HBG1: variants seen among roughly 807,000 people sequenced by gnomAD.
HBG1 encodes hemoglobin subunit gamma 1.
A neutral mutation model predicts 5.9 loss-of-function variants in HBG1; 1 was observed. The ratio of observed to expected loss-of-function variants is 0.17; its 90% CI spans 0.06 to 0.81. The LOEUF (loss-of-function observed/expected upper bound fraction) is 0.81. Among genes scored for constraint, HBG1 ranks in the 30% least tolerant of loss-of-function variants. The pLI is 0.73. For missense variants in HBG1, 57 were observed against 122.0 expected (o/e 0.47, Z 2.51); for synonymous variants, 19 against 50.5 (o/e 0.38, Z 2.64).
intron 2 of HBG1, among the ~76,000 whole-genome samples, 197 bp from the exon 3 acceptor site, chr11:5,248,684 A>G (rs1259431527): frequency 8.0e-5 from 12 of 150,916 alleles, no homozygotes; most frequent in Admixed American, 2.6e-4. Flanking sequence ...CCATAATTTA[A>G]ATCTTGCTAT....
At chr11:5,248,520 C>T (rs781512469) in intron 2 of HBG1, 33 bp from the exon 3 acceptor site, 1 of 1,598,346 alleles carries the variant, frequency 6.3e-7, no homozygotes, top group East Asian at 2.2e-5. Flanking sequence ...TAAAGATGAA[C>T]CCATAGTGAG....
Position 5,248,396 on chromosome 11 carries a change from G to C in HBG1, c.407C>G (p.Thr136Ser). The C allele has an allele frequency of 6.2e-7, 1 of 1,614,152 alleles. No homozygotes were observed. The highest frequency in any genetic ancestry group is 2.2e-5 in the East Asian group (1 of 44,886). ...EVQASWQKMVTAVASALSSRY... is the reference protein window; with the variant it reads ...EVQASWQKMVSAVASALSSRY... The stretch of plus-strand genomic sequence containing the variant: ...GGAGGACAGGGCACTGGCCACTGCA[G>C]TCACCATCTTCTGCCAGGAAGCCTG... The change falls in exon 3 of 3, where the codon ACT (threonine) becomes AGT (serine). Residue 136 changes from threonine to serine, a missense_variant. Thr to Ser is a moderately conservative substitution (Grantham distance 58, BLOSUM62 1). Transcript: ENST00000330597.
rs761132513 is a variant in HBG1 at position 5,248,368 on chromosome 11, T to C, written c.435A>G (p.Arg145=). 2.5e-6 allele frequency: 4 copies of C among 1,614,138 alleles called. No individual in the cohort carries two copies. Among genetic ancestry groups the C allele is most frequent in the Non-Finnish European group, 3.4e-6 (4 of 1,179,978 alleles). The change falls in exon 3 of 3, where the codon AGA becomes AGG. Residue 145 remains arginine, a synonymous_variant. Transcript: ENST00000330597. ...VTAVASALSS[R]YH The stretch of plus-strand genomic sequence containing the variant: ...ATCATGGGCAGTGAGCTCAGTGGTA[T>C]CTGGAGGACAGGGCACTGGCCACTG...
chr11:5,248,791 C>G (rs1303688638), intron 2 of HBG1, among the ~76,000 whole-genome samples: 1 of 147,316 alleles, frequency 6.8e-6, no homozygotes, highest in Non-Finnish European at 1.5e-5. Flanking sequence ...CACACACACA[C>G]ACACACACAG....
intron 2 of HBG1, among the ~76,000 whole-genome samples, 183 bp from the exon 3 acceptor site, chr11:5,248,670 C>T (rs1189464083): frequency 6.6e-6 from 1 of 150,906 alleles, no homozygotes; most frequent in Non-Finnish European, 1.5e-5. Flanking sequence ...GCACTAGTCA[C>T]TGGCCATAAT....
In HBG1 at chr11:5,248,296, A is replaced by T; in HGVS notation, c.*63T>A. On this transcript the variant is annotated 3_prime_UTR_variant, in exon 3 of 3. Transcript: ENST00000330597. ...TGTGATCTCTCAGCAGAATAGATTT[A>T]TTATTTGTATTGCTTGCAGAATAAA... 6.3e-7 allele frequency: 1 copy of T among 1,590,762 alleles called. No individual in the cohort carries two copies. Among genetic ancestry groups the T allele is most frequent in the Non-Finnish European group, 8.6e-7 (1 of 1,161,788 alleles).
rs752967994 is a variant in HBG1, at chr11:5,248,776, G to A, written c.316-289C>T. On this transcript the variant is annotated intron_variant, in intron 2 of 2. Transcript: ENST00000330597. Reference sequence around the variant, plus strand: ...CGCTGACACACACACACACACGCGCGCGCGCACACACACACACACACACAG... The same window carrying A: ...CGCTGACACACACACACACACGCGCACGCGCACACACACACACACACACAG... 3.2e-4 allele frequency among the ~76,000 whole-genome samples: 27 copies of A among 84,406 alleles called. 1 individual carries two copies. The highest frequency in any genetic ancestry group is 4.6e-4 in the African/African-American group (12 of 26,094). The allele number at this position is 84,406 out of a possible 152,430, so 55.4% of individuals were successfully genotyped here.
In HBG1 at chr11:5,248,351, C is replaced by T. The variant is rs1487416724; in HGVS notation, c.*8G>A. ...ATCCTTGAAAGCTCTGAATCATGGG[C>T]AGTGAGCTCAGTGGTATCTGGAGGA... On this transcript the variant is annotated 3_prime_UTR_variant, in exon 3 of 3. Transcript: ENST00000330597. The T allele has an allele frequency of 1.2e-6, 2 of 1,613,642 alleles. No homozygotes were observed. Among genetic ancestry groups the T allele is most frequent in the Non-Finnish European group, 1.7e-6 (2 of 1,179,784 alleles).
At chr11:5,249,036 C>T (rs1847916184) in intron 2 of HBG1, among the ~76,000 whole-genome samples, 1 of 138,392 alleles carries the variant, frequency 7.2e-6, no homozygotes, top group Non-Finnish European at 1.6e-5. Context: ...AACGACCATA[C>T]TTGTCCTGCC....
intron 2 of HBG1, among the ~76,000 whole-genome samples, chr11:5,248,780 GCACA>G (rs1292097599): frequency 3.1e-4 from 35 of 112,990 alleles, no homozygotes; most frequent in Non-Finnish European, 4.9e-4. Context: ...ACGCGCGCGC[GCACA>G]CACACACACA....
Position 5,249,112 on chromosome 11 carries a change from A to C in HBG1, c.315+256T>G, listed in dbSNP as rs71480749. ...TGAAAGTTCTTTCTACTGGAATCTA[A>C]TAAAGAAAAGTCATTTTCCTCATTT... On this transcript the variant is annotated intron_variant, in intron 2 of 2. Coordinates refer to ENST00000330597, the MANE Select transcript of HBG1 (RefSeq NM_000559.3). Among the ~76,000 whole-genome samples, 5 of 67,802 alleles carry C rather than the reference A, an allele frequency of 7.4e-5. 1 individual carries two copies. The highest frequency in any genetic ancestry group is 3.9e-4 in the Admixed American group (2 of 5,126). 44.5% of individuals were successfully genotyped at this position (67,802 alleles called of 152,430 possible).
chr11:5,248,755 GACACACACACACACACGCGCGCGCGC>G (rs988647762), intron 2 of HBG1, among the ~76,000 whole-genome samples: 1 of 130,024 alleles, frequency 7.7e-6, no homozygotes, highest in African/African-American at 3.3e-5. Flanking sequence ...AACACACGCT[GACACACACACACACACGCGCGCGCGC>G]ACACACACAC....
intron 2 of HBG1, among the ~76,000 whole-genome samples, chr11:5,248,942 G>T (rs987462876): frequency 5.4e-5 from 8 of 148,202 alleles, no homozygotes; most frequent in African/African-American, 2.0e-4. Flanking sequence ...AGCTGATATA[G>T]GAATAGCCTT....
At chr11:5,248,745 AAC>A (rs1260824837) in intron 2 of HBG1, among the ~76,000 whole-genome samples, 1 of 140,958 alleles carries the variant, frequency 7.1e-6, no homozygotes, top group African/African-American at 2.8e-5. Flanking sequence ...CGTTAAAAGA[AAC>A]ACACGCTGAC....
In HBG1 at chr11:5,248,394, C is replaced by A. The variant is rs63749797; in HGVS notation, c.409G>T (p.Ala137Ser). Residue 137 changes from alanine (A) to serine (S), a missense_variant, in exon 3 of 3, where the codon GCA becomes TCA. Ala to Ser is a moderately conservative substitution (Grantham distance 99). This residue lies in a region of HBG1 where 43 missense variants were observed against 44.9 expected (regional missense o/e 0.96). Transcript: ENST00000330597. Reference sequence around the variant, plus strand: ...CTGGAGGACAGGGCACTGGCCACTGCAGTCACCATCTTCTGCCAGGAAGCC... The same window carrying A: ...CTGGAGGACAGGGCACTGGCCACTGAAGTCACCATCTTCTGCCAGGAAGCC... The part of the protein sequence containing the change: ...VQASWQKMVT[A>S]VASALSSRYH The A allele has an allele frequency of 3.5e-5, 56 of 1,614,046 alleles. No homozygotes were observed. Among genetic ancestry groups the A allele is most frequent in the Middle Eastern group, 3.3e-4 (2 of 6,084 alleles).
rs1564884234 is a variant in HBG1, at chr11:5,248,272, G to A, written c.*87C>T. ...AAAAAAGAGCTGAAGAAAATCATGT[G>A]TGATCTCTCAGCAGAATAGATTTAT... On this transcript the variant is annotated 3_prime_UTR_variant, in exon 3 of 3. Transcript: ENST00000330597. 1 of 1,557,598 alleles carries A rather than the reference G, an allele frequency of 6.4e-7. No individual in the cohort carries two copies. Among genetic ancestry groups the A allele is most frequent in the African/African-American group, 1.4e-5 (1 of 73,788 alleles).
chr11:5,248,375 G>C lies in HBG1; in HGVS notation c.428C>G (p.Ser143Cys). 6.2e-7 allele frequency: 1 copy of C among 1,614,138 alleles called. No homozygotes were observed. Among genetic ancestry groups the C allele is most frequent in the Non-Finnish European group, 8.5e-7 (1 of 1,179,996 alleles). Residue 143 changes from serine (S) to cysteine (C), a missense_variant, in exon 3 of 3, where the codon TCC (serine) becomes TGC (cysteine). Ser to Cys is a moderately radical substitution (Grantham distance 112, BLOSUM62 -1). Around this residue, in one of 2 missense-constraint regions of HBG1, gnomAD observed 43 missense variants for 44.9 expected, o/e 0.96. Coordinates refer to ENST00000330597, the MANE Select transcript of HBG1 (RefSeq NM_000559.3). ...KMVTAVASAL[S>C]SRYH ...GCAGTGAGCTCAGTGGTATCTGGAG[G>C]ACAGGGCACTGGCCACTGCAGTCAC...
Position 5,248,307 on chromosome 11 carries a change from T to G in HBG1, c.*52A>C. On this transcript the variant is annotated 3_prime_UTR_variant, in exon 3 of 3. Coordinates refer to ENST00000330597, the MANE Select transcript of HBG1 (RefSeq NM_000559.3). ...AGCAGAATAGATTTATTATTTGTAT[T>G]GCTTGCAGAATAAAGCCTATCCTTG... is the stretch of plus-strand genomic sequence containing the variant. 1 of 1,604,034 alleles carries G rather than the reference T, an allele frequency of 6.2e-7. No individual in the cohort carries two copies. The highest frequency in any genetic ancestry group is 8.5e-7 in the Non-Finnish European group (1 of 1,171,224).
Position 5,248,271 on chromosome 11 carries a change from T to G in HBG1, c.*88A>C, listed in dbSNP as rs535370386. 6.4e-7 allele frequency: 1 copy of G among 1,556,668 alleles called. No individual in the cohort carries two copies. The highest frequency in any genetic ancestry group is 1.1e-5 in the South Asian group (1 of 89,028). On this transcript the variant is annotated 3_prime_UTR_variant, in exon 3 of 3. Coordinates refer to ENST00000330597, the MANE Select transcript of HBG1 (RefSeq NM_000559.3). ...AAAAAAAGAGCTGAAGAAAATCATG[T>G]GTGATCTCTCAGCAGAATAGATTTA...
Sources: gnomAD v4.1 joint callset for allele counts (sites outside exome capture counted in the v4.1 genomes callset) on GRCh38, gnomAD v4.1.1 for gene constraint, gnomAD v4.1.1 regional missense constraint, MANE v1.5 for transcripts, NCBI Gene and HGNC (gene_info 2026-07-23, HGNC 2026-07-21) for gene names.